FAF1: variants seen among roughly 807,000 people sequenced by gnomAD.
The protein encoded by FAF1 is FAS-associated factor 1.
FAF1 carries 25 observed loss-of-function variants against 92.5 expected under a neutral mutation model. That is an observed-to-expected ratio of 0.27 (90% confidence interval 0.20 to 0.38). FAF1 has a LOEUF of 0.38. FAF1 is among the 10% of genes least tolerant of loss of function. The pLI is 1.00. For synonymous variants in FAF1, 234 were observed against 273.2 expected, an observed-to-expected ratio of 0.86 and a Z score of 1.42; for missense variants, 636 against 793.3, an observed-to-expected ratio of 0.80 and a Z score of 2.38.
chr1:50,820,093 G>A (rs1644030016), intron 2 of FAF1, among the ~76,000 whole-genome samples: 1 of 151,726 alleles, frequency 6.6e-6, no homozygotes, highest in African/African-American at 2.4e-5. Flanking sequence ...TGAATTCACA[G>A]ACACAGAAAG....
chr1:50,762,873 A>G (rs1471754575), intron 4 of FAF1, among the ~76,000 whole-genome samples: 1 of 152,234 alleles, frequency 6.6e-6, no homozygotes, highest in Non-Finnish European at 1.5e-5. Context: ...TCTGCACAGC[A>G]AAAGATACTA....
intron 13 of FAF1, among the ~76,000 whole-genome samples, chr1:50,564,670 A>G (rs1167479848): frequency 6.6e-6 from 1 of 152,158 alleles, no homozygotes; most frequent in Non-Finnish European, 1.5e-5. Flanking sequence ...AATGTGGTGT[A>G]AAAATCCAAG....
intron 1 of FAF1, among the ~76,000 whole-genome samples, chr1:50,876,013 T>G (rs1420879154): frequency 6.6e-6 from 1 of 152,338 alleles, no homozygotes; most frequent in Non-Finnish European, 1.5e-5. Context: ...CTGAAGCAGC[T>G]CACTGTCTAA....
intron 12 of FAF1, among the ~76,000 whole-genome samples, chr1:50,581,407 C>T (rs1046330686): frequency 4.6e-5 from 7 of 152,220 alleles, no homozygotes; most frequent in South Asian, 2.1e-4. Flanking sequence ...TCTCAAACTC[C>T]TTGCCCTCTT....
At chr1:50,514,900 G>A (rs918122617) in intron 15 of FAF1, among the ~76,000 whole-genome samples, 2 of 152,140 alleles carry the variant, frequency 1.3e-5, no homozygotes, top group Admixed American at 1.3e-4. Context: ...GGTAACCTAG[G>A]ATGGAGCCTG....
At chr1:50,670,800 C>A (rs1423512848) in intron 7 of FAF1, among the ~76,000 whole-genome samples, 1 of 151,838 alleles carries the variant, frequency 6.6e-6, no homozygotes, top group Non-Finnish European at 1.5e-5. Context: ...TGTGGTGATG[C>A]ATGTCTGTAG....
intron 18 of FAF1, among the ~76,000 whole-genome samples, chr1:50,462,540 T>A (rs1488986774): frequency 6.6e-6 from 1 of 152,208 alleles, no homozygotes; most frequent in East Asian, 1.9e-4. Flanking sequence ...CTCCCCTTTT[T>A]AAAGTAGCCA....
chr1:50,521,999 T>C (rs568315478), intron 15 of FAF1, among the ~76,000 whole-genome samples: 1 of 152,330 alleles, frequency 6.6e-6, no homozygotes, highest in East Asian at 1.9e-4. Context: ...ATGGATAAAC[T>C]GATCTATCAG....
chr1:50,490,432 G>GAA (rs1557966651), intron 17 of FAF1, among the ~76,000 whole-genome samples, 156 bp downstream of exon 17: 1 of 124,454 alleles, frequency 8.0e-6, no homozygotes, highest in African/African-American at 3.0e-5. Context: ...AGGAAGGAAG[G>GAA]AAGGAAGGAA....
intron 7 of FAF1, among the ~76,000 whole-genome samples, chr1:50,693,571 T>C (rs1369086263): frequency 1.3e-5 from 2 of 152,128 alleles, no homozygotes; most frequent in African/African-American, 4.8e-5. Context: ...ACTTTTACAA[T>C]CTTATTGTAG....
intron 1 of FAF1, among the ~76,000 whole-genome samples, chr1:50,912,948 C>G (rs1426948612): frequency 1.3e-5 from 2 of 152,144 alleles, no homozygotes; most frequent in Non-Finnish European, 2.9e-5. Context: ...ACAAGTTATG[C>G]ATACATTCAA....
chr1:50,553,799 A>G (rs1013943075), intron 13 of FAF1, among the ~76,000 whole-genome samples: 1 of 152,178 alleles, frequency 6.6e-6, no homozygotes, highest in Non-Finnish European at 1.5e-5. Context: ...AGTTAGGCTT[A>G]TATCAGGTAA....
chr1:50,483,837 C>A (rs571514505), intron 17 of FAF1, among the ~76,000 whole-genome samples: 1 of 152,120 alleles, frequency 6.6e-6, no homozygotes, highest in Non-Finnish European at 1.5e-5. Flanking sequence ...AGGTTTCTGG[C>A]TCTAACAACT....
intron 2 of FAF1, among the ~76,000 whole-genome samples, chr1:50,830,924 T>C (rs1286506012): frequency 6.6e-6 from 1 of 152,156 alleles, no homozygotes. Context: ...CACCAAAACA[T>C]TTTTGTAAAA....
intron 2 of FAF1, among the ~76,000 whole-genome samples, chr1:50,835,570 CAAAAAAAAAAAAA>C (rs573942977): frequency 1.8e-5 from 1 of 54,890 alleles, no homozygotes; most frequent in Non-Finnish European, 3.9e-5. Flanking sequence ...GACTCCATCT[CAAAAAAAAAAAAA>C]AAAAAAAAAA....
At chr1:50,836,312 T>C (rs1644204930) in intron 2 of FAF1, among the ~76,000 whole-genome samples, 3 of 151,554 alleles carry the variant, frequency 2.0e-5, no homozygotes, top group Admixed American at 6.6e-5. Context: ...CTGGGTATAA[T>C]AGCATGAGTC....
intron 4 of FAF1, among the ~76,000 whole-genome samples, chr1:50,759,045 T>C (rs1203702541): frequency 2.6e-5 from 4 of 152,082 alleles, no homozygotes; most frequent in Non-Finnish European, 5.9e-5. Context: ...GGTTTCACTG[T>C]GTTAGCCAGG....
intron 8 of FAF1, among the ~76,000 whole-genome samples, chr1:50,598,970 CAAAA>C (rs1184249083): frequency 2.8e-5 from 4 of 145,142 alleles, no homozygotes; most frequent in African/African-American, 1.0e-4. Flanking sequence ...AACTCCGTCT[CAAAA>C]AAAAAAGAAC....
chr1:50,461,513 A>G (rs1466453495), intron 18 of FAF1: 1 of 152,192 alleles, frequency 6.6e-6, no homozygotes, highest in Non-Finnish European at 1.5e-5. Flanking sequence ...ACTGTGCCAG[A>G]AACTGAGGGT....
Sources: allele counts gnomAD v4.1 joint callset (sites outside exome capture counted in the v4.1 genomes callset), GRCh38; gene constraint gnomAD v4.1.1; transcripts MANE v1.5; gene names NCBI Gene and HGNC (gene_info 2026-07-23, HGNC 2026-07-21).